FAM117A: variants seen among roughly 807,000 people sequenced by gnomAD.
FAM117A encodes the protein protein FAM117A.
A neutral mutation model predicts 44.1 loss-of-function variants in FAM117A; 21 were observed. That is an observed-to-expected ratio of 0.48 (90% CI 0.34 to 0.69). The LOEUF (loss-of-function observed/expected upper bound fraction) is 0.69, where lower values mean the gene tolerates loss of function less well. Among genes scored for constraint, FAM117A ranks in the 30% least tolerant of loss-of-function variants. FAM117A has a pLI of 0.01. For synonymous variants in FAM117A, 220 were observed against 238.3 expected (o/e 0.92, Z 0.71); for missense variants, 498 against 589.9 (o/e 0.84, Z 1.61).
intron 6 of FAM117A, 88 bp from the exon 7 acceptor site, chr17:49,716,403 G>C: frequency 3.4e-6 from 4 of 1,193,382 alleles, no homozygotes; most frequent in Non-Finnish European, 4.6e-6. Context: ...AAGTGGCAAG[G>C]CTGGGGACAC....
intron 1 of FAM117A, among the ~76,000 whole-genome samples, chr17:49,757,643 G>A (rs1186415093): frequency 6.6e-6 from 1 of 152,196 alleles, no homozygotes; most frequent in Non-Finnish European, 1.5e-5. Context: ...CACACGACTG[G>A]AGAAAATGGG....
rs1288709554 is a variant in FAM117A at position 49,722,489 on chromosome 17, G to A, written c.462+10C>T. 3 of 1,611,998 alleles carry A rather than the reference G, an allele frequency of 1.9e-6. No homozygotes were observed. The highest frequency in any genetic ancestry group is 1.3e-5 in the African/African-American group (1 of 74,866). Reference sequence around the variant, plus strand: ...GCTACCCTAGGCAGGGAGTCAAAGTGGGTAGCTACCTCTTTTCGGTGGTCT... The same window carrying A: ...GCTACCCTAGGCAGGGAGTCAAAGTAGGTAGCTACCTCTTTTCGGTGGTCT... On this transcript the variant is annotated intron_variant, in intron 3 of 7. Coordinates refer to ENST00000240364, the MANE Select transcript of FAM117A (RefSeq NM_030802.4).
intron 1 of FAM117A, among the ~76,000 whole-genome samples, chr17:49,787,107 GA>G (rs1202658671): frequency 3.9e-5 from 6 of 151,994 alleles, no homozygotes; most frequent in African/African-American, 1.4e-4. Flanking sequence ...AGAAGAGAGA[GA>G]AAAAAAGTAG....
intron 1 of FAM117A, among the ~76,000 whole-genome samples, chr17:49,753,919 T>TG (rs1394489870): frequency 6.6e-6 from 1 of 152,242 alleles, no homozygotes; most frequent in Non-Finnish European, 1.5e-5. Context: ...CAACTGTTTT[T>TG]GTCTTCCTCT....
At chr17:49,713,673 A>G (rs538719832) in intron 7 of FAM117A, among the ~76,000 whole-genome samples, 1 of 151,866 alleles carries the variant, frequency 6.6e-6, no homozygotes, top group Admixed American at 6.5e-5. Flanking sequence ...CACCTGGATA[A>G]TATTTTAACA....
chr17:49,729,257 A>T (rs949522658), intron 2 of FAM117A, among the ~76,000 whole-genome samples: 2 of 151,994 alleles, frequency 1.3e-5, no homozygotes, highest in Non-Finnish European at 2.9e-5. Context: ...CTTAGCCTGA[A>T]CCATAACTGC....
chr17:49,749,575 C>CAAA (rs1167215497), intron 1 of FAM117A, among the ~76,000 whole-genome samples: 6 of 45,852 alleles, frequency 1.3e-4, no homozygotes, highest in African/African-American at 2.8e-4. Context: ...GACTCCGTCT[C>CAAA]AAAAAAAAAA....
At position 49,716,203 on chromosome 17, in the gene FAM117A, T is replaced by TG; in HGVS notation, c.1022dup (p.Glu342ArgfsTer4). 2 of 1,611,176 alleles carry TG rather than the reference T, an allele frequency of 1.2e-6. No homozygotes were observed. The highest frequency in any genetic ancestry group is 1.7e-6 in the Non-Finnish European group (2 of 1,178,284). On this transcript the variant is annotated frameshift_variant, in exon 7 of 8. Coordinates refer to ENST00000240364, the MANE Select transcript of FAM117A (RefSeq NM_030802.4). LOFTEE classifies it high-confidence loss of function. ...ACACACGCACTTTCTCACAGCCTTC[T>TG]GGGGGCTCCCGTTTGAAGATGTAGC... is the stretch of plus-strand genomic sequence containing the variant.
At chr17:49,732,874 C>T (rs2073592599) in intron 1 of FAM117A, 154 bp from the exon 2 acceptor site, 3 of 767,170 alleles carry the variant, frequency 3.9e-6, no homozygotes, top group South Asian at 3.5e-5. Flanking sequence ...TGAAACAGCA[C>T]ATATGGTCTG....
chr17:49,763,872 C>A lies in FAM117A; in HGVS notation c.196+20G>T. On this transcript the variant is annotated intron_variant, in intron 1 of 7. Coordinates refer to ENST00000240364, the MANE Select transcript of FAM117A (RefSeq NM_030802.4). ...CCCCCAATGGCTCCTTCCACGGCAC[C>A]CGCTCCAGGCCCGGCTCACCTGCAC... The A allele has an allele frequency of 8.2e-7, 1 of 1,224,942 alleles. No individual in the cohort carries two copies. The highest frequency in any genetic ancestry group is 1.6e-5 in the African/African-American group (1 of 63,780). 75.9% of individuals were successfully genotyped at this position (1,224,942 alleles called of 1,614,324 possible).
intron 1 of FAM117A, among the ~76,000 whole-genome samples, chr17:49,751,328 C>G (rs2073676409): frequency 6.7e-6 from 1 of 150,192 alleles, no homozygotes; most frequent in Non-Finnish European, 1.5e-5. Flanking sequence ...CACCTGTAAT[C>G]CCAACACTTT....
chr17:49,711,791 G>A (rs1026423769), intron 7 of FAM117A, among the ~76,000 whole-genome samples: 3 of 152,180 alleles, frequency 2.0e-5, no homozygotes, highest in Non-Finnish European at 4.4e-5. Context: ...TAGACAGGAA[G>A]GAGAACTTCC....
At chr17:49,760,428 G>A (rs553049600) in intron 1 of FAM117A, among the ~76,000 whole-genome samples, 5 of 152,188 alleles carry the variant, frequency 3.3e-5, no homozygotes, top group East Asian at 1.9e-4. Context: ...CTCCACCACC[G>A]ACAGCACAAA....
chr17:49,734,317 G>T (rs1248987142), intron 1 of FAM117A, among the ~76,000 whole-genome samples: 2 of 152,036 alleles, frequency 1.3e-5, no homozygotes, highest in Non-Finnish European at 2.9e-5. Context: ...CTAGGGCCGG[G>T]CGCAGTGGCT....
At chr17:49,789,026 C>T (rs1425674277), upstream of FAM117A, 11 of 495,730 alleles carry the variant, frequency 2.2e-5, no homozygotes, top group Non-Finnish European at 3.9e-5. Flanking sequence ...ACCCTGGCCT[C>T]GGCCTATGCT....
chr17:49,724,324 T>C (rs560727697), intron 2 of FAM117A: 85 of 455,568 alleles, frequency 1.9e-4, no homozygotes, highest in Non-Finnish European at 3.4e-4. Context: ...GCAGAGGCTA[T>C]AGAGGGATGA....
upstream of FAM117A, chr17:49,788,940 C>T (rs1229523222): frequency 4.9e-6 from 6 of 1,234,314 alleles, no homozygotes; most frequent in African/African-American, 6.3e-5. Flanking sequence ...GTGCTTGGGT[C>T]CCAACTTTCC....
chr17:49,788,896 T>C, upstream of FAM117A: 4 of 1,520,350 alleles, frequency 2.6e-6, no homozygotes, highest in South Asian at 4.9e-5. Context: ...GGACAGTCGA[T>C]TGAGCACCGT....
chr17:49,732,461 C>A, intron 2 of FAM117A, 90 bp downstream of exon 2: 1 of 1,202,030 alleles, frequency 8.3e-7, no homozygotes, highest in South Asian at 1.4e-5. Flanking sequence ...GACAAATCAT[C>A]GCAATGACTT....
Sources: allele counts gnomAD v4.1 joint callset (sites outside exome capture counted in the v4.1 genomes callset), GRCh38; gene constraint gnomAD v4.1.1; transcripts MANE v1.5; gene names NCBI Gene and HGNC (gene_info 2026-07-23, HGNC 2026-07-21).